The following RBFOX1 variants were observed in gnomAD, a reference collection of about 807,000 sequenced individuals.
RBFOX1 encodes RNA binding protein fox-1 homolog 1.
A neutral mutation model predicts 57.7 loss-of-function variants in RBFOX1; 8 were observed. The observed-to-expected ratio is 0.14, with a 90% confidence interval of 0.08 to 0.25. The LOEUF (loss-of-function observed/expected upper bound fraction) is 0.25. RBFOX1 is among the 10% of genes least tolerant of loss of function. RBFOX1 has a pLI of 1.00. For missense variants in RBFOX1, 611 were observed against 548.5 expected (o/e 1.11, Z -1.14); for synonymous variants, 326 against 222.4 (o/e 1.47, Z -4.15).
chr16:6,233,525 C>T (rs189425521), intron 1 of RBFOX1, among the ~76,000 whole-genome samples: 135 of 152,268 alleles, frequency 8.9e-4, no homozygotes, highest in Non-Finnish European at 1.6e-3. Flanking sequence ...AAAAATCCTT[C>T]GTGTGGGTGG....
At chr16:5,838,410 G>A (rs185303283) in intron 3 of RBFOX1, 186 of 156,784 alleles carry the variant, frequency 1.2e-3, no homozygotes, top group Non-Finnish European at 1.8e-3. Context: ...ATTGCAGCCA[G>A]TGACGGTGGA....
chr16:7,262,086 T>A (rs537608360), intron 4 of RBFOX1, among the ~76,000 whole-genome samples: 1 of 152,210 alleles, frequency 6.6e-6, no homozygotes, highest in African/African-American at 2.4e-5. Context: ...GTTTTCCTTT[T>A]GCTGGGGGTA....
chr16:5,741,377 A>C (rs1456416301), intron 3 of RBFOX1, among the ~76,000 whole-genome samples: 1 of 152,174 alleles, frequency 6.6e-6, no homozygotes, highest in Non-Finnish European at 1.5e-5. Context: ...AATGCTAATT[A>C]CTTTTTTTCC....
At chr16:7,587,358 A>G (rs750960761) in intron 7 of RBFOX1, 58 bp downstream of exon 7, 274 of 1,436,986 alleles carry the variant, frequency 1.9e-4, no homozygotes, top group Non-Finnish European at 2.4e-4. Context: ...TTTGTTATGA[A>G]TAAGGGGAAA....
intron 3 of RBFOX1, among the ~76,000 whole-genome samples, chr16:6,894,516 C>G (rs1437761841): frequency 6.6e-6 from 1 of 152,172 alleles, no homozygotes; most frequent in Non-Finnish European, 1.5e-5. Context: ...CACACCTGCT[C>G]TCCATCCCAA....
chr16:5,864,171 T>C (rs979606513), intron 3 of RBFOX1, among the ~76,000 whole-genome samples: 1 of 152,224 alleles, frequency 6.6e-6, no homozygotes, highest in African/African-American at 2.4e-5. Context: ...TTTCTGTTGC[T>C]GTGTTAGTTT....
intron 3 of RBFOX1, among the ~76,000 whole-genome samples, chr16:5,762,978 A>T (rs1200792964): frequency 6.6e-6 from 1 of 152,150 alleles, no homozygotes; most frequent in Admixed American, 6.6e-5. Context: ...TGATTTTTTA[A>T]TTTTCTCCTT....
intron 3 of RBFOX1, among the ~76,000 whole-genome samples, chr16:6,843,117 A>C (rs112713330): frequency 6.6e-6 from 1 of 152,016 alleles, no homozygotes; most frequent in African/African-American, 2.4e-5. Flanking sequence ...GTTGTTTCTT[A>C]TTGTTGTTGT....
chr16:7,158,660 G>A (rs1025230566), intron 4 of RBFOX1, among the ~76,000 whole-genome samples: 75 of 150,482 alleles, frequency 5.0e-4, no homozygotes, highest in African/African-American at 3.4e-4. Flanking sequence ...TCTATGGTGC[G>A]TGCACGCACG....
chr16:6,988,731 A>ATTTTTTTTTTTTTTTTTTTTTTTTTTT (rs111959126), intron 3 of RBFOX1, among the ~76,000 whole-genome samples: 1 of 91,302 alleles, frequency 1.1e-5, no homozygotes, highest in African/African-American at 5.3e-5. Context: ...CACCCAGCTA[A>ATTTTTTTTTTTTTTTTTTTTTTTTTTT]TTTTTTTTTT....
At chr16:6,199,725 C>G (rs774676711) in intron 1 of RBFOX1, among the ~76,000 whole-genome samples, 1 of 152,112 alleles carries the variant, frequency 6.6e-6, no homozygotes, top group African/African-American at 2.4e-5. Context: ...TGAGTTTTAT[C>G]TGTGAAAACC....
At chr16:5,571,975 A>T (rs1388427388) in intron 2 of RBFOX1, among the ~76,000 whole-genome samples, 2 of 152,082 alleles carry the variant, frequency 1.3e-5, no homozygotes, top group South Asian at 2.1e-4. Flanking sequence ...ACCTTTTCTT[A>T]TGTGGGGCCC....
chr16:6,599,932 A>G (rs1285889528), intron 2 of RBFOX1, among the ~76,000 whole-genome samples: 1 of 152,190 alleles, frequency 6.6e-6, no homozygotes, highest in Admixed American at 6.5e-5. Context: ...TTAACCCACA[A>G]TCAACAAAGC....
At chr16:5,721,195 G>C (rs1000226938) in intron 3 of RBFOX1, among the ~76,000 whole-genome samples, 3 of 152,060 alleles carry the variant, frequency 2.0e-5, no homozygotes, top group African/African-American at 7.2e-5. Flanking sequence ...TAAAGTTTAA[G>C]TTTATTCTTT....
chr16:7,006,093 C>T (rs78106130), intron 3 of RBFOX1, among the ~76,000 whole-genome samples: 2 of 152,162 alleles, frequency 1.3e-5, no homozygotes, highest in Non-Finnish European at 2.9e-5. Flanking sequence ...TGTTCAAATA[C>T]AGGTGTACAT....
At chr16:7,311,619 G>T (rs762663251) in intron 4 of RBFOX1, among the ~76,000 whole-genome samples, 26 of 151,972 alleles carry the variant, frequency 1.7e-4, no homozygotes, top group Non-Finnish European at 2.9e-4. Flanking sequence ...CTGAAGCCAG[G>T]CACGGGGCAA....
Position 7,460,415 on chromosome 16 carries a change from GTGTA to G in RBFOX1, c.28-57730_28-57727del, listed in dbSNP as rs1328381884. 8.6e-3 allele frequency among the ~76,000 whole-genome samples: 1,004 copies of G among 116,294 alleles called. 23 individuals carry two copies. Among genetic ancestry groups the G allele is most frequent in the African/African-American group, 0.025 (808 of 32,546 alleles). The allele number at this position is 116,294 out of a possible 152,430, so 76.3% of individuals were successfully genotyped here. ...TGTGTGTGTGTGTGTGTGTGTGTGT[GTGTA>G]TATACATATGTGTGTGTATATATGT... On this transcript the variant is annotated intron_variant, in intron 4 of 15. Transcript: ENST00000550418.
intron 1 of RBFOX1, among the ~76,000 whole-genome samples, chr16:5,245,349 C>T (rs1869214300): frequency 1.3e-5 from 2 of 152,116 alleles, no homozygotes; most frequent in South Asian, 4.1e-4. Flanking sequence ...GCTTGGGACC[C>T]AGGGGGCAAT....
intron 4 of RBFOX1, among the ~76,000 whole-genome samples, chr16:7,291,533 T>C (rs1285712708): frequency 1.3e-5 from 2 of 152,088 alleles, no homozygotes; most frequent in African/African-American, 2.4e-5. Context: ...CAAAGGAAGA[T>C]GTGAAGGGCA....
Sources: allele counts gnomAD v4.1 joint callset (sites outside exome capture counted in the v4.1 genomes callset), GRCh38; gene constraint gnomAD v4.1.1; transcripts MANE v1.5; gene names NCBI Gene and HGNC (gene_info 2026-07-23, HGNC 2026-07-21).